CPLX2: variants seen among roughly 807,000 people sequenced by gnomAD.
CPLX2 encodes complexin-2.
A neutral mutation model predicts 16.3 loss-of-function variants in CPLX2; 5 were observed. The ratio of observed to expected loss-of-function variants is 0.31; its 90% CI spans 0.16 to 0.64. The LOEUF (loss-of-function observed/expected upper bound fraction) is 0.64, where lower values mean the gene tolerates loss of function less well. CPLX2 is among the 30% of genes least tolerant of loss of function. The pLI, the probability that CPLX2 is intolerant of heterozygous loss-of-function variation, is 0.79. For missense variants in CPLX2, 144 were observed against 181.4 expected (o/e 0.79, Z 1.18); for synonymous variants, 89 against 73.2 (o/e 1.22, Z -1.10).
Position 175,813,487 on chromosome 5 carries a change from A to AAAAAC in CPLX2, c.-89+4434_-89+4438dup, listed in dbSNP as rs1200198564. On this transcript the variant is annotated intron_variant, in intron 2 of 4. Transcript: ENST00000359546. ...GTGGTTGAACCTAGAACCATGCTCA[A>AAAAAC]AAAACAAAACAAAACAAAAACAAAG... 2.0e-5 allele frequency among the ~76,000 whole-genome samples: 3 copies of AAAAAC among 152,338 alleles called. No individual in the cohort carries two copies. In the East Asian group the frequency reaches 5.8e-4, roughly 29 times the overall value.
chr5:175,870,181 G>A (rs1200206793), upstream of CPLX2, among the ~76,000 whole-genome samples: 1 of 152,178 alleles, frequency 6.6e-6, no homozygotes, highest in Admixed American at 6.5e-5. Flanking sequence ...CCAACACAGT[G>A]CTAAACATGG....
upstream of CPLX2, among the ~76,000 whole-genome samples, chr5:175,867,446 C>T (rs1158432965): frequency 6.6e-6 from 1 of 152,138 alleles, no homozygotes; most frequent in Non-Finnish European, 1.5e-5. Flanking sequence ...CACCAATATA[C>T]AGAAATGGTG....
Position 175,856,138 on chromosome 5 carries a change from C to T in CPLX2, c.-88-22514C>T, listed in dbSNP as rs113548724. On this transcript the variant is annotated intron_variant, in intron 2 of 4. Transcript: ENST00000359546. ...CCTGGTATAGCACCTTCTAGTTGTG[C>T]GACCTTGGCAAGTTTCCTAACCTCT... Among the ~76,000 whole-genome samples, 472 of 152,298 alleles carry T rather than the reference C, an allele frequency of 3.1e-3. 2 individuals carry two copies. Among genetic ancestry groups the T allele is most frequent in the African/African-American group, 0.011 (444 of 41,566 alleles).
In CPLX2 at chr5:175,809,275, G is replaced by A. The variant is rs892702115; in HGVS notation, c.-89+207G>A. 1 of 152,006 alleles carries A rather than the reference G, an allele frequency of 6.6e-6. No homozygotes were observed. The highest frequency in any genetic ancestry group is 1.5e-5 in the Non-Finnish European group (1 of 68,054). The allele number at this position is 152,006 out of a possible 1,614,324, so 9.4% of individuals were successfully genotyped here. A position where few individuals can be genotyped will look rare whatever the true frequency, so the allele number is the denominator to read the frequency against. ...GTTTACAACAGAGAAGCACTTTCTT[G>A]TGCAATGCCTTATTCAGTGCTCCCC... On this transcript the variant is annotated intron_variant, in intron 2 of 4. Transcript: ENST00000359546. The surrounding 1 kb of genome is among the most constrained non-coding windows in gnomAD (Gnocchi z 4.4).
chr5:175,829,384 GGAA>G (rs1361559501), intron 2 of CPLX2, among the ~76,000 whole-genome samples: 1 of 152,086 alleles, frequency 6.6e-6, no homozygotes, highest in African/African-American at 2.4e-5. Flanking sequence ...GCTCACCTCG[GGAA>G]GAAGGCCCCG....
chr5:175,880,290 A>G lies in CPLX2; in HGVS notation c.*245A>G, dbSNP rs56934064. ...GGACAGTCTTTCCCCAGCAGGGGTC[A>G]GGGGGGCCCCTCAGGAAGCCTAAGG... is the stretch of plus-strand genomic sequence containing the variant. On this transcript the variant is annotated 3_prime_UTR_variant, in exon 4 of 4. Coordinates refer to ENST00000393745, the MANE Select transcript of CPLX2 (RefSeq NM_001008220.2). 0.26 allele frequency: 150,277 copies of G among 573,384 alleles called. 20,498 individuals are homozygous for G. Among genetic ancestry groups the G allele is most frequent in the Middle Eastern group, 0.39 (1,448 of 3,716 alleles). The allele number at this position is 573,384 out of a possible 1,614,324, so 35.5% of individuals were successfully genotyped here.
rs2443544 is a variant in CPLX2, at chr5:175,797,278, G to C, written c.-169+494G>C. Reference sequence around the variant, plus strand: ...TCGGGGGATTTCAGCTTCTCCCAGAGAGGTGTCACCGGCGAGCTAGGCGGG... The same window carrying C: ...TCGGGGGATTTCAGCTTCTCCCAGACAGGTGTCACCGGCGAGCTAGGCGGG... On this transcript the variant is annotated intron_variant, in intron 1 of 4. Transcript: ENST00000359546. Among the ~76,000 whole-genome samples, 5 of 152,236 alleles carry C rather than the reference G, an allele frequency of 3.3e-5. No individual in the cohort carries two copies. The East Asian group carries it at 9.8e-4, about 30-fold the overall frequency.
intron 1 of CPLX2, among the ~76,000 whole-genome samples, chr5:175,876,941 AT>A (rs1372135441): frequency 6.6e-6 from 1 of 152,162 alleles, no homozygotes; most frequent in Non-Finnish European, 1.5e-5. Flanking sequence ...GTTCTCTTGC[AT>A]TTCTGAGAAA....
chr5:175,863,103 A>C (rs895470894), intron 2 of CPLX2, among the ~76,000 whole-genome samples: 1 of 152,188 alleles, frequency 6.6e-6, no homozygotes, highest in Non-Finnish European at 1.5e-5. Context: ...AGCCAAGCTG[A>C]CTGGAAGTGC....
chr5:175,807,711 T>G (rs1295642008), intron 1 of CPLX2, among the ~76,000 whole-genome samples: 3 of 152,232 alleles, frequency 2.0e-5, no homozygotes, highest in African/African-American at 7.2e-5. Context: ...ATTCATTCAT[T>G]CATTCACTCA....
At chr5:175,812,952 A>G (rs1363515024) in intron 2 of CPLX2, among the ~76,000 whole-genome samples, 1 of 152,206 alleles carries the variant, frequency 6.6e-6, no homozygotes, top group African/African-American at 2.4e-5. Context: ...CTTTGGAGGT[A>G]GACTGGGTCC....
rs186399374 is a variant in CPLX2, at chr5:175,830,674, A to T, written c.-89+21606A>T. On this transcript the variant is annotated intron_variant, in intron 2 of 4. Coordinates refer to the CPLX2 transcript ENST00000359546. The surrounding 1 kb of genome is among the most constrained non-coding windows in gnomAD (Gnocchi z 4.0). ...CCAGTCTCTGGAGTCCTCACTCCCCAGAGCTTTCCTGGAAACAGCAGGAAG... is the reference window on the plus strand; with the variant it reads ...CCAGTCTCTGGAGTCCTCACTCCCCTGAGCTTTCCTGGAAACAGCAGGAAG... Among the ~76,000 whole-genome samples the T allele has an allele frequency of 2.3e-4, 35 of 152,364 alleles. No individual in the cohort carries two copies. Among genetic ancestry groups the T allele is most frequent in the Middle Eastern group, 3.4e-3 (1 of 294 alleles).
intron 2 of CPLX2, among the ~76,000 whole-genome samples, chr5:175,853,698 A>G (rs1759199820): frequency 6.6e-6 from 1 of 152,114 alleles, no homozygotes; most frequent in South Asian, 2.1e-4. Context: ...TCTCATGGAC[A>G]TCCAAATTCA....
intron 2 of CPLX2, among the ~76,000 whole-genome samples, chr5:175,833,119 G>A (rs1975012): frequency 0.23 from 33,279 of 145,596 alleles, 3,854 homozygotes; most frequent in Middle Eastern, 0.28. Context: ...TCGCGCCACC[G>A]TGCTCCAGCC....
rs1015210780 is a variant in CPLX2, at chr5:175,830,507, G to T, written c.-89+21439G>T. Reference sequence around the variant, plus strand: ...CTTTAGGAGGGGGAGTTTTAGGGGTGAAGCACCCCACCCCCAGCTGTCCAG... The same window carrying T: ...CTTTAGGAGGGGGAGTTTTAGGGGTTAAGCACCCCACCCCCAGCTGTCCAG... On this transcript the variant is annotated intron_variant, in intron 2 of 4. Coordinates refer to the CPLX2 transcript ENST00000359546. The surrounding 1 kb of genome is among the most constrained non-coding windows in gnomAD (Gnocchi z 4.0). 6.6e-6 allele frequency among the ~76,000 whole-genome samples: 1 copy of T among 152,128 alleles called. No homozygotes were observed. Among genetic ancestry groups the T allele is most frequent in the Non-Finnish European group, 1.5e-5 (1 of 68,020 alleles).
At chr5:175,867,769 G>T (rs1185450106), upstream of CPLX2, among the ~76,000 whole-genome samples, 1 of 151,810 alleles carries the variant, frequency 6.6e-6, no homozygotes, top group African/African-American at 2.4e-5. Context: ...GCACATGAGT[G>T]CTGCCACTCT....
At position 175,846,329 on chromosome 5, in the gene CPLX2, G is replaced by A. The variant is rs186850104; in HGVS notation, c.-88-32323G>A. Among the ~76,000 whole-genome samples, 23 of 152,138 alleles carry A rather than the reference G, an allele frequency of 1.5e-4. No individual in the cohort carries two copies. In the East Asian group the frequency reaches 2.9e-3, roughly 19 times the overall value. ...TAGGATGAAGAGTCAAGAGGGCTGC[G>A]TGGAGAGTCAGAGGACCTAGACTCT... On this transcript the variant is annotated intron_variant, in intron 2 of 4. Coordinates refer to the CPLX2 transcript ENST00000359546.
intron 2 of CPLX2, among the ~76,000 whole-genome samples, chr5:175,827,961 T>C (rs1310436381): frequency 1.3e-5 from 2 of 152,190 alleles, no homozygotes; most frequent in Non-Finnish European, 1.5e-5. Context: ...GTGGAGTCTA[T>C]TTTAGGTATA....
At chr5:175,815,374 G>C (rs1227666075) in intron 2 of CPLX2, among the ~76,000 whole-genome samples, 1 of 152,154 alleles carries the variant, frequency 6.6e-6, no homozygotes, top group African/African-American at 2.4e-5. Context: ...AGCAGGCTTG[G>C]CGGAGAGCAC....
Sources: gnomAD v4.1 joint callset for allele counts (sites outside exome capture counted in the v4.1 genomes callset) on GRCh38, gnomAD v4.1.1 for gene constraint, Gnocchi (gnomAD v3.1) non-coding constraint, MANE v1.5 for transcripts, NCBI Gene and HGNC (gene_info 2026-07-23, HGNC 2026-07-21) for gene names.